The following KCNMB2 variants were observed in gnomAD, a reference collection of about 807,000 sequenced individuals.
KCNMB2 encodes the protein potassium calcium-activated channel subfamily M regulatory beta subunit 2.
KCNMB2 carries 9 observed loss-of-function variants against 24.5 expected under a neutral mutation model. The observed-to-expected ratio is 0.37, with a 90% CI of 0.22 to 0.64. KCNMB2 has a LOEUF of 0.64. KCNMB2 is among the 30% of genes least tolerant of loss of function. The pLI is 0.63. For synonymous variants in KCNMB2, 109 were observed against 104.4 expected, an observed-to-expected ratio of 1.04 and a Z score of -0.27; for missense variants, 226 against 284.3, an observed-to-expected ratio of 0.79 and a Z score of 1.47.
At chr3:178,745,747 G>T (rs1195890705) in intron 1 of KCNMB2, among the ~76,000 whole-genome samples, 1 of 152,150 alleles carries the variant, frequency 6.6e-6, no homozygotes, top group African/African-American at 2.4e-5. Context: ...GGGAGAAATT[G>T]GCCAAAACAA....
intron 1 of KCNMB2, among the ~76,000 whole-genome samples, chr3:178,684,853 T>C (rs1721406439): frequency 6.6e-6 from 1 of 152,210 alleles, no homozygotes; most frequent in African/African-American, 2.4e-5. Flanking sequence ...AAATAGTGTG[T>C]TATTTTGCTT....
chr3:178,759,322 T>C (rs1417668633), intron 1 of KCNMB2, among the ~76,000 whole-genome samples: 2 of 99,126 alleles, frequency 2.0e-5, no homozygotes, highest in Admixed American at 2.2e-4. Flanking sequence ...AGAGGATATA[T>C]ATATATATAT....
intron 1 of KCNMB2, among the ~76,000 whole-genome samples, chr3:178,670,871 T>C (rs6443558): frequency 0.35 from 53,757 of 151,934 alleles, 10,847 homozygotes; most frequent in African/African-American, 0.56. Context: ...AATCTAGGTC[T>C]TCTAACTCAC....
At chr3:178,643,481 T>G (rs1392687309) in intron 1 of KCNMB2, among the ~76,000 whole-genome samples, 2 of 152,230 alleles carry the variant, frequency 1.3e-5, no homozygotes, top group African/African-American at 4.8e-5. Context: ...GTTTTTATAT[T>G]GTATTACAGT....
intron 1 of KCNMB2, among the ~76,000 whole-genome samples, chr3:178,601,821 A>G (rs1560126125): frequency 1.3e-5 from 2 of 152,180 alleles, no homozygotes; most frequent in Non-Finnish European, 2.9e-5. Flanking sequence ...TAACAGTGGC[A>G]CTCTCAGGCA....
chr3:178,538,116 A>G (rs975777334), intron 1 of KCNMB2, among the ~76,000 whole-genome samples: 1 of 152,218 alleles, frequency 6.6e-6, no homozygotes, highest in African/African-American at 2.4e-5. Flanking sequence ...TAATCCACAT[A>G]CAAAGTTGAA....
At chr3:178,791,171 C>A (rs1038521765) in intron 1 of KCNMB2, among the ~76,000 whole-genome samples, 6 of 152,124 alleles carry the variant, frequency 3.9e-5, no homozygotes, top group African/African-American at 1.4e-4. Context: ...ACATATGTGA[C>A]CTTTCAGACA....
intron 1 of KCNMB2, among the ~76,000 whole-genome samples, chr3:178,583,392 G>T (rs772625727): frequency 8.6e-5 from 13 of 152,006 alleles, no homozygotes; most frequent in Non-Finnish European, 1.9e-4. Context: ...TATAAAAAGG[G>T]AACCTAATAA....
At chr3:178,784,261 G>C (rs532120357) in intron 1 of KCNMB2, among the ~76,000 whole-genome samples, 1 of 152,132 alleles carries the variant, frequency 6.6e-6, no homozygotes, top group Non-Finnish European at 1.5e-5. Flanking sequence ...GTTGGAGGTA[G>C]CTATTACAAC....
At chr3:178,785,784 G>A (rs185348194) in intron 1 of KCNMB2, among the ~76,000 whole-genome samples, 1 of 152,192 alleles carries the variant, frequency 6.6e-6, no homozygotes, top group Non-Finnish European at 1.5e-5. Flanking sequence ...ACATTGGCAT[G>A]TTAGGTATAT....
chr3:178,655,916 T>G (rs969086377), intron 1 of KCNMB2, among the ~76,000 whole-genome samples: 1 of 152,188 alleles, frequency 6.6e-6, no homozygotes, highest in Non-Finnish European at 1.5e-5. Flanking sequence ...TGTATCACAG[T>G]AACTATCAGC....
At chr3:178,597,590 A>G (rs1382770662) in intron 1 of KCNMB2, among the ~76,000 whole-genome samples, 1 of 152,202 alleles carries the variant, frequency 6.6e-6, no homozygotes, top group African/African-American at 2.4e-5. Flanking sequence ...GAACAAAGTC[A>G]CACTGTCATT....
At chr3:178,781,106 T>C (rs1397704291) in intron 1 of KCNMB2, among the ~76,000 whole-genome samples, 1 of 152,138 alleles carries the variant, frequency 6.6e-6, no homozygotes, top group African/African-American at 2.4e-5. Flanking sequence ...TTGTAATATT[T>C]TGGGCATATT....
At chr3:178,768,264 T>A (rs972286796) in intron 1 of KCNMB2, among the ~76,000 whole-genome samples, 42 of 152,254 alleles carry the variant, frequency 2.8e-4, no homozygotes, top group Admixed American at 2.2e-3. Flanking sequence ...CTTTAGCTAA[T>A]GAGTTTCTGC....
intron 1 of KCNMB2, among the ~76,000 whole-genome samples, chr3:178,802,719 A>G (rs1286286082): frequency 1.3e-5 from 2 of 152,160 alleles, no homozygotes; most frequent in Admixed American, 6.5e-5. Context: ...ATTCTTCCAG[A>G]TAATTCTAAT....
intron 1 of KCNMB2, among the ~76,000 whole-genome samples, chr3:178,782,683 G>T (rs1712911387): frequency 6.6e-6 from 1 of 150,406 alleles, no homozygotes; most frequent in Middle Eastern, 3.4e-3. Context: ...TGTAGATTCT[G>T]GATATTAGCC....
chr3:178,635,079 AG>A (rs1013898696), intron 1 of KCNMB2, among the ~76,000 whole-genome samples: 12 of 152,102 alleles, frequency 7.9e-5, no homozygotes, highest in African/African-American at 2.9e-4. Context: ...AAGGCATAGC[AG>A]GGGGCAGCAC....
chr3:178,686,830 C>A (rs1329930020), intron 1 of KCNMB2, among the ~76,000 whole-genome samples: 2 of 151,966 alleles, frequency 1.3e-5, no homozygotes, highest in African/African-American at 4.8e-5. Flanking sequence ...GGTATCTGGA[C>A]AAACTGTCTC....
At chr3:178,695,177 G>C (rs1721830063) in intron 1 of KCNMB2, among the ~76,000 whole-genome samples, 2 of 152,252 alleles carry the variant, frequency 1.3e-5, no homozygotes, top group South Asian at 4.1e-4. Flanking sequence ...AGCCCTAGCT[G>C]TACCTTGGCC....
Sources: gnomAD v4.1 joint callset for allele counts (sites outside exome capture counted in the v4.1 genomes callset) on GRCh38, gnomAD v4.1.1 for gene constraint, MANE v1.5 for transcripts, NCBI Gene and HGNC (gene_info 2026-07-23, HGNC 2026-07-21) for gene names.